RBFOX1: variants seen among roughly 807,000 people sequenced by gnomAD.
RBFOX1 encodes the protein RNA binding fox-1 homolog 1.
In RBFOX1, 8 loss-of-function variants were observed where a neutral mutation model predicts 57.7. That is an observed-to-expected ratio of 0.14 (90% confidence interval 0.08 to 0.25). RBFOX1 has a LOEUF of 0.25. RBFOX1 is among the 10% of genes least tolerant of loss of function. The pLI, the probability that RBFOX1 is intolerant of heterozygous loss-of-function variation, is 1.00. For missense variants in RBFOX1, 611 were observed against 548.5 expected (o/e 1.11, Z -1.14); for synonymous variants, 326 against 222.4 (o/e 1.47, Z -4.15).
chr16:7,480,212 T>A (rs1202017529), intron 4 of RBFOX1, among the ~76,000 whole-genome samples: 2 of 152,210 alleles, frequency 1.3e-5, no homozygotes, highest in East Asian at 3.9e-4. Context: ...GATGTTCGTC[T>A]TTTTCTGCCT....
At chr16:6,083,696 C>G (rs1277524771) in intron 1 of RBFOX1, among the ~76,000 whole-genome samples, 1 of 151,984 alleles carries the variant, frequency 6.6e-6, no homozygotes, top group Non-Finnish European at 1.5e-5. Context: ...AGGCTGGACT[C>G]AAACTCCCAG....
At chr16:6,903,122 A>T (rs1369465887) in intron 3 of RBFOX1, among the ~76,000 whole-genome samples, 2 of 152,200 alleles carry the variant, frequency 1.3e-5, no homozygotes, top group Non-Finnish European at 2.9e-5. Context: ...CGCGATTCTG[A>T]AGCCATCATA....
At chr16:7,380,503 G>A (rs1053195084) in intron 4 of RBFOX1, among the ~76,000 whole-genome samples, 1 of 152,138 alleles carries the variant, frequency 6.6e-6, no homozygotes, top group African/African-American at 2.4e-5. Context: ...ACATCTGTCT[G>A]GTAATCATCT....
At chr16:5,822,731 G>T (rs1198322999) in intron 3 of RBFOX1, among the ~76,000 whole-genome samples, 1 of 152,198 alleles carries the variant, frequency 6.6e-6, no homozygotes, top group East Asian at 1.9e-4. Context: ...TCCATCCTGG[G>T]CTCCTGGAGT....
In RBFOX1 at chr16:6,796,779, ACTT is replaced by A. The variant is rs367559394; in HGVS notation, c.-16+142135_-16+142137del. On this transcript the variant is annotated intron_variant, in intron 3 of 15. Transcript: ENST00000550418. ...AAGATGGGCCTACATCTGCCTTCCA[ACTT>A]CTTCTATGTCCCTCAGTCATAAATA... 1.8e-4 allele frequency among the ~76,000 whole-genome samples: 28 copies of A among 152,238 alleles called. 1 individual carries two copies. Among genetic ancestry groups the A allele is most frequent in the African/African-American group, 6.7e-4 (28 of 41,526 alleles).
intron 4 of RBFOX1, among the ~76,000 whole-genome samples, chr16:7,456,626 C>T (rs532766108): frequency 1.8e-4 from 27 of 152,280 alleles, no homozygotes; most frequent in Admixed American, 3.3e-4. Flanking sequence ...GTTGGGAGAA[C>T]ACACCTTCAC....
intron 1 of RBFOX1, among the ~76,000 whole-genome samples, chr16:6,238,737 C>T (rs765840295): frequency 2.6e-5 from 4 of 151,828 alleles, no homozygotes; most frequent in African/African-American, 9.7e-5. Flanking sequence ...TTACATTTTT[C>T]TGACTGACTA....
intron 4 of RBFOX1, among the ~76,000 whole-genome samples, chr16:7,148,243 G>A (rs2075415071): frequency 6.6e-6 from 1 of 152,152 alleles, no homozygotes; most frequent in African/African-American, 2.4e-5. Flanking sequence ...AAAACAAATG[G>A]AAGAAGTTTA....
At chr16:6,080,408 G>T (rs940716149) in intron 1 of RBFOX1, among the ~76,000 whole-genome samples, 2 of 152,160 alleles carry the variant, frequency 1.3e-5, no homozygotes, top group African/African-American at 2.4e-5. Flanking sequence ...GGGACCACTT[G>T]GTAGATTGAC....
chr16:6,438,947 T>C (rs1454491432), intron 2 of RBFOX1, among the ~76,000 whole-genome samples: 1 of 152,226 alleles, frequency 6.6e-6, no homozygotes, highest in East Asian at 1.9e-4. Flanking sequence ...ATTTAGTGTA[T>C]GACATCTTCC....
intron 3 of RBFOX1, among the ~76,000 whole-genome samples, chr16:6,795,715 A>G (rs1323166307): frequency 6.6e-6 from 1 of 151,970 alleles, no homozygotes. Context: ...GCAGTTAGCC[A>G]ATGTTGCACC....
rs895874798 is a variant in RBFOX1, at chr16:5,782,149, T to C, written c.319-85154T>C. ...TCACTTGAACCCACGAAGTGGAGGT[T>C]GCAGTGAGATGAGATGGCACCACTG... On this transcript the variant is annotated intron_variant, in intron 3 of 19. Transcript: ENST00000641259. 6.6e-5 allele frequency among the ~76,000 whole-genome samples: 10 copies of C among 152,342 alleles called. No homozygotes were observed. In the East Asian group the frequency reaches 7.7e-4, roughly 12 times the overall value.
intron 5 of RBFOX1, among the ~76,000 whole-genome samples, chr16:7,565,151 A>G (rs1453585860): frequency 6.6e-6 from 1 of 152,174 alleles, no homozygotes; most frequent in Non-Finnish European, 1.5e-5. Flanking sequence ...CCCTGGGCTT[A>G]CCATTATTAT....
At chr16:6,356,479 T>G (rs1260452471) in intron 2 of RBFOX1, among the ~76,000 whole-genome samples, 1 of 152,216 alleles carries the variant, frequency 6.6e-6, no homozygotes, top group Admixed American at 6.5e-5. Context: ...CTATTTTCCC[T>G]CTGTGGTTTT....
intron 4 of RBFOX1, among the ~76,000 whole-genome samples, chr16:7,149,273 T>A (rs891076906): frequency 1.3e-5 from 2 of 152,048 alleles, no homozygotes; most frequent in African/African-American, 2.4e-5. Context: ...AATATGACTG[T>A]TTGCTTGTTA....
At chr16:6,014,864 T>G (rs909510052), upstream of RBFOX1, among the ~76,000 whole-genome samples, 2 of 151,940 alleles carry the variant, frequency 1.3e-5, no homozygotes, top group African/African-American at 2.4e-5. Context: ...TGATTTTTTT[T>G]TTTTTTTCTG....
At chr16:6,065,203 T>TA (rs1296705570) in intron 1 of RBFOX1, among the ~76,000 whole-genome samples, 1 of 150,626 alleles carries the variant, frequency 6.6e-6, no homozygotes, top group Admixed American at 6.6e-5. Context: ...AATTTTTTTT[T>TA]TTTTTTTTTT....
At chr16:6,389,540 G>A (rs1014345520) in intron 2 of RBFOX1, among the ~76,000 whole-genome samples, 2 of 152,022 alleles carry the variant, frequency 1.3e-5, no homozygotes, top group African/African-American at 4.8e-5. Context: ...CTAAAATGAA[G>A]GTCCACTTAG....
In RBFOX1 at chr16:6,013,727, G is replaced by T. The variant is rs138864840; in HGVS notation, c.351+146392G>T. ...TTTTTATGGCTGCATAGTATTCCAC[G>T]GTGTATGTGTGCCACATTTTCTTAA... On this transcript the variant is annotated intron_variant, in intron 4 of 19. Transcript: ENST00000641259. Among the ~76,000 whole-genome samples the T allele has an allele frequency of 2.0e-5, 3 of 152,030 alleles. 1 individual carries two copies. The highest frequency in any genetic ancestry group is 4.1e-4 in the South Asian group (2 of 4,822).
Sources: allele counts gnomAD v4.1 joint callset (sites outside exome capture counted in the v4.1 genomes callset), GRCh38; gene constraint gnomAD v4.1.1; transcripts MANE v1.5; gene names NCBI Gene and HGNC (gene_info 2026-07-23, HGNC 2026-07-21).